The following EPHA5 variants were observed in gnomAD, a reference collection of about 807,000 sequenced individuals.
EPHA5 encodes ephrin type-A receptor 5.
In EPHA5, 60 loss-of-function variants were observed where a neutral mutation model predicts 105.0. The ratio of observed to expected loss-of-function variants is 0.57; its 90% CI spans 0.46 to 0.71. The LOEUF (loss-of-function observed/expected upper bound fraction) is 0.71. EPHA5 is among the 30% of genes least tolerant of loss of function. The pLI is 0.00. For synonymous variants in EPHA5, 513 were observed against 449.1 expected (o/e 1.14, Z -1.80); for missense variants, 1,218 against 1,274.7 (o/e 0.96, Z 0.68).
intron 3 of EPHA5, among the ~76,000 whole-genome samples, chr4:65,580,735 T>G (rs975081671): frequency 6.6e-6 from 1 of 151,252 alleles, no homozygotes; most frequent in Non-Finnish European, 1.5e-5. Flanking sequence ...ATAAAAGACT[T>G]CAGACCCTTA....
intron 5 of EPHA5, among the ~76,000 whole-genome samples, chr4:65,439,003 C>A (rs1431250023): frequency 5.3e-5 from 8 of 152,128 alleles, no homozygotes; most frequent in East Asian, 1.9e-4. Context: ...ATATACTAAA[C>A]CCTTACATAC....
In EPHA5 at chr4:65,320,019, T is replaced by C. The variant is rs758532928; in HGVS notation, c.*4095A>G. 1.7e-5 allele frequency: 4 copies of C among 229,970 alleles called. No individual in the cohort carries two copies. The East Asian group carries it at 2.5e-4, about 14-fold the overall frequency. The allele number at this position is 229,970 out of a possible 1,614,324, so 14.2% of individuals were successfully genotyped here. ...TAACGTTTAGAAGAAACAAACAACA[T>C]TTGATTCTGATTATTATAAACAGAC... On this transcript the variant is annotated 3_prime_UTR_variant, in exon 17 of 17. Transcript: ENST00000613740.
chr4:65,376,939 C>T lies in EPHA5; in HGVS notation c.1794-9515G>A, dbSNP rs191105682. The T allele has an allele frequency of 1.8e-4, 253 of 1,422,892 alleles. 1 individual carries two copies. The highest frequency in any genetic ancestry group is 1.1e-3 in the African/African-American group (75 of 70,362). 88.1% of individuals were successfully genotyped at this position (1,422,892 alleles called of 1,614,324 possible). ...ACAAATGGAGAAAGAAAAGGAATGCCGACGGTAATACATATAGGTGGACAT... is the reference window on the plus strand; with the variant it reads ...ACAAATGGAGAAAGAAAAGGAATGCTGACGGTAATACATATAGGTGGACAT... On this transcript the variant is annotated intron_variant, in intron 8 of 16. Transcript: ENST00000613740.
chr4:65,354,871 C>T (rs1723150831), intron 11 of EPHA5, among the ~76,000 whole-genome samples: 1 of 151,738 alleles, frequency 6.6e-6, no homozygotes, highest in South Asian at 2.1e-4. Flanking sequence ...ACTTAATTAT[C>T]TTCTTATAAA....
At chr4:65,530,706 C>A (rs1200588334) in intron 3 of EPHA5, among the ~76,000 whole-genome samples, 2 of 152,146 alleles carry the variant, frequency 1.3e-5, no homozygotes, top group Admixed American at 6.5e-5. Context: ...ATAGAACTAA[C>A]CTGACCTCTC....
At chr4:65,438,079 G>A (rs1578117545) in intron 5 of EPHA5, among the ~76,000 whole-genome samples, 1 of 151,698 alleles carries the variant, frequency 6.6e-6, no homozygotes, top group East Asian at 1.9e-4. Context: ...ATACTTGGAG[G>A]GAGCCTATCA....
intron 3 of EPHA5, among the ~76,000 whole-genome samples, chr4:65,533,365 G>T (rs1013392990): frequency 3.9e-5 from 6 of 151,980 alleles, no homozygotes; most frequent in African/African-American, 1.4e-4. Flanking sequence ...AAGCTAGGCA[G>T]GATAAATATT....
At chr4:65,666,223 T>G (rs778941211) in intron 1 of EPHA5, among the ~76,000 whole-genome samples, 5 of 152,174 alleles carry the variant, frequency 3.3e-5, no homozygotes, top group Non-Finnish European at 7.3e-5. Context: ...ATACAAAACA[T>G]TCAGAGACAA....
At chr4:65,380,728 AT>A (rs1489588307) in intron 8 of EPHA5, among the ~76,000 whole-genome samples, 1 of 151,846 alleles carries the variant, frequency 6.6e-6, no homozygotes, top group Non-Finnish European at 1.5e-5. Context: ...TTCAAATTAA[AT>A]TAACAACAAA....
intron 5 of EPHA5, among the ~76,000 whole-genome samples, chr4:65,447,650 G>T (rs1726678308): frequency 1.3e-5 from 2 of 151,840 alleles, no homozygotes; most frequent in Non-Finnish European, 2.9e-5. Flanking sequence ...CCCATTCCTT[G>T]CCAACACAGA....
At chr4:65,471,793 T>A (rs1454863327) in intron 5 of EPHA5, among the ~76,000 whole-genome samples, 2 of 152,126 alleles carry the variant, frequency 1.3e-5, no homozygotes, top group African/African-American at 4.8e-5. Flanking sequence ...ACCTGCTCTC[T>A]CCTTTGACAT....
chr4:65,574,737 TATATAC>T (rs1740712304), intron 3 of EPHA5, among the ~76,000 whole-genome samples: 1 of 97,520 alleles, frequency 1.0e-5, no homozygotes, highest in Admixed American at 1.1e-4. Flanking sequence ...TATACATATA[TATATAC>T]ATATATATAT....
intron 5 of EPHA5, among the ~76,000 whole-genome samples, chr4:65,466,366 G>A (rs980235069): frequency 6.6e-6 from 1 of 152,236 alleles, no homozygotes; most frequent in Non-Finnish European, 1.5e-5. Flanking sequence ...AAGTGAGTGA[G>A]TGAGAAAGCA....
At chr4:65,644,776 TATA>T (rs1351385029) in intron 1 of EPHA5, among the ~76,000 whole-genome samples, 2 of 152,130 alleles carry the variant, frequency 1.3e-5, no homozygotes, top group East Asian at 3.9e-4. Flanking sequence ...ATTGAAAGTA[TATA>T]ATAATGTTAG....
intron 4 of EPHA5, among the ~76,000 whole-genome samples, chr4:65,494,187 G>A (rs1398116532): frequency 3.3e-5 from 5 of 152,132 alleles, no homozygotes; most frequent in Non-Finnish European, 5.9e-5. Context: ...ATGGTCTTCA[G>A]AATGTAAAGC....
chr4:65,599,348 A>AACACACACACAC (rs71657190), intron 3 of EPHA5, among the ~76,000 whole-genome samples: 13,486 of 148,554 alleles, frequency 0.091, 871 homozygotes, highest in East Asian at 0.29. Flanking sequence ...GGCATTTTAT[A>AACACACACACAC]ACACACACAC....
At chr4:65,442,835 A>G (rs961740331) in intron 5 of EPHA5, among the ~76,000 whole-genome samples, 6 of 152,090 alleles carry the variant, frequency 3.9e-5, no homozygotes, top group Non-Finnish European at 8.8e-5. Context: ...ACAGTGCCCC[A>G]TAAGGTGAGA....
At chr4:65,602,392 C>T in intron 2 of EPHA5, 88 bp from the exon 3 acceptor site, 1 of 1,042,952 alleles carries the variant, frequency 9.6e-7, no homozygotes, top group Admixed American at 2.6e-5. Context: ...AGAAAACTAA[C>T]TGAGATATAG....
chr4:65,647,963 A>G (rs1007424923), intron 1 of EPHA5, among the ~76,000 whole-genome samples: 7 of 152,200 alleles, frequency 4.6e-5, no homozygotes, highest in Non-Finnish European at 1.0e-4. Flanking sequence ...GCCCAACCAA[A>G]TAACAGATTA....
Sources: allele counts gnomAD v4.1 joint callset (sites outside exome capture counted in the v4.1 genomes callset), GRCh38; gene constraint gnomAD v4.1.1; transcripts MANE v1.5; gene names NCBI Gene and HGNC (gene_info 2026-07-23, HGNC 2026-07-21).